CRACR2A: variants seen among roughly 807,000 people sequenced by gnomAD.
CRACR2A encodes EF-hand calcium-binding domain-containing protein 4B.
Under a neutral mutation model 90.5 loss-of-function variants are expected in CRACR2A, and 79 were observed. The ratio of observed to expected loss-of-function variants is 0.87; its 90% CI spans 0.73 to 1.05. The LOEUF is 1.05. CRACR2A is among the 50% of genes least tolerant of loss of function. The pLI is 0.00. For missense variants in CRACR2A, 823 were observed against 897.2 expected, an observed-to-expected ratio of 0.92 and a Z score of 1.06; for synonymous variants, 338 against 356.7, an observed-to-expected ratio of 0.95 and a Z score of 0.59.
At chr12:3,734,014 AG>A (rs1946404432) in intron 1 of CRACR2A, among the ~76,000 whole-genome samples, 1 of 128,368 alleles carries the variant, frequency 7.8e-6, no homozygotes, top group Non-Finnish European at 1.6e-5. Flanking sequence ...TCTGTCGCCC[AG>A]GCTGGAGTGC....
chr12:3,622,631 T>C (rs1944169200), intron 17 of CRACR2A, among the ~76,000 whole-genome samples: 1 of 128,420 alleles, frequency 7.8e-6, no homozygotes, highest in Non-Finnish European at 1.8e-5. Context: ...CCTATGTGCA[T>C]GTGTGTGTGT....
chr12:3,620,980 C>T (rs1386206144), intron 17 of CRACR2A, among the ~76,000 whole-genome samples: 1 of 152,228 alleles, frequency 6.6e-6, no homozygotes, highest in African/African-American at 2.4e-5. Context: ...ACACCCCCTC[C>T]TCTGACCGTG....
Position 3,751,755 on chromosome 12 carries a change from C to T in CRACR2A, c.-387+1260G>A, listed in dbSNP as rs1006164243. On this transcript the variant is annotated intron_variant, in intron 1 of 19. Transcript: ENST00000440314. The stretch of plus-strand genomic sequence containing the variant: ...CTCTACACACTTTATAGTATAGAAC[C>T]GAGAGGTGACAGGACCTCGGAAGCC... Among the ~76,000 whole-genome samples the T allele has an allele frequency of 5.6e-5, 6 of 106,692 alleles. No individual in the cohort carries two copies. In the East Asian group the frequency reaches 8.0e-4, roughly 14 times the overall value. 70.0% of individuals were successfully genotyped at this position (106,692 alleles called of 152,430 possible).
chr12:3,632,693 A>C (rs752047613), intron 15 of CRACR2A, among the ~76,000 whole-genome samples: 2 of 152,228 alleles, frequency 1.3e-5, no homozygotes, highest in African/African-American at 4.8e-5. Context: ...TCTGGACCTC[A>C]GTTTCCTGAT....
intron 13 of CRACR2A, among the ~76,000 whole-genome samples, chr12:3,641,519 G>A (rs931242879): frequency 6.6e-6 from 1 of 152,166 alleles, no homozygotes; most frequent in Non-Finnish European, 1.5e-5. Context: ...AGAAGACAAT[G>A]GTCTGTCCTG....
intron 1 of CRACR2A, 79 bp from the exon 2 acceptor site, chr12:3,733,289 T>G (rs986430684): frequency 3.3e-5 from 5 of 152,412 alleles, no homozygotes; most frequent in Non-Finnish European, 7.3e-5. Flanking sequence ...GGGTTGGGCT[T>G]TGAGGCAGAC....
intron 15 of CRACR2A, among the ~76,000 whole-genome samples, chr12:3,631,710 C>G (rs1944378432): frequency 1.3e-5 from 2 of 152,118 alleles, no homozygotes; most frequent in South Asian, 4.1e-4. Flanking sequence ...GAAGATATTC[C>G]AGGTGTGATA....
chr12:3,682,690 CT>C (rs1424384596), intron 4 of CRACR2A, among the ~76,000 whole-genome samples: 1 of 152,146 alleles, frequency 6.6e-6, no homozygotes, highest in East Asian at 1.9e-4. Context: ...ATAATTATCT[CT>C]TATTTATCGC....
rs905802054 is a variant in CRACR2A at position 3,711,861 on chromosome 12, C to T, written c.-37+1376G>A. Among the ~76,000 whole-genome samples the T allele has an allele frequency of 6.6e-5, 10 of 152,098 alleles. No homozygotes were observed. The highest frequency in any genetic ancestry group is 2.4e-4 in the African/African-American group (10 of 41,410). ...GCTATACTGAGGTGGAATAAAAGGC[C>T]ATCCAAAGGGCTAAATTTTGACATT... On this transcript the variant is annotated intron_variant, in intron 3 of 19. Transcript: ENST00000440314. This position sits in a 1 kb window ranked among gnomAD's most constrained non-coding sequence, Gnocchi z 4.3.
At chr12:3,650,632 C>G (rs964263808) in intron 10 of CRACR2A, among the ~76,000 whole-genome samples, 2 of 152,152 alleles carry the variant, frequency 1.3e-5, no homozygotes, top group African/African-American at 2.4e-5. Flanking sequence ...TTTAGGGTCC[C>G]CCCACCCCAC....
chr12:3,658,378 G>A (rs1047760643), intron 8 of CRACR2A, among the ~76,000 whole-genome samples: 5 of 152,082 alleles, frequency 3.3e-5, no homozygotes, highest in South Asian at 2.1e-4. Context: ...GTGGCTGTCC[G>A]ATGGCGGGGA....
intron 1 of CRACR2A, among the ~76,000 whole-genome samples, chr12:3,736,253 A>G (rs1174387848): frequency 1.3e-5 from 2 of 151,694 alleles, no homozygotes; most frequent in South Asian, 4.2e-4. Context: ...AGGGATAGGG[A>G]CAGATTCAAG....
Position 3,746,297 on chromosome 12 carries a change from T to C in CRACR2A, c.-387+6718A>G, listed in dbSNP as rs71458075. 2.8e-3 allele frequency among the ~76,000 whole-genome samples: 431 copies of C among 152,074 alleles called. 7 individuals carry two copies. Among genetic ancestry groups the C allele is most frequent in the South Asian group, 5.2e-3 (25 of 4,818 alleles). On this transcript the variant is annotated intron_variant, in intron 1 of 19. Transcript: ENST00000440314. This position sits in a 1 kb window ranked among gnomAD's most constrained non-coding sequence, Gnocchi z 4.4. ...AGGTGATTAGGTTTAGATGAGGTCATGAGGGTGGGGCCCTCATGATGGGAT... is the reference window on the plus strand; with the variant it reads ...AGGTGATTAGGTTTAGATGAGGTCACGAGGGTGGGGCCCTCATGATGGGAT...
At chr12:3,681,260 G>A (rs1945445678) in intron 4 of CRACR2A, among the ~76,000 whole-genome samples, 1 of 152,228 alleles carries the variant, frequency 6.6e-6, no homozygotes, top group Non-Finnish European at 1.5e-5. Flanking sequence ...TGACTGGTAA[G>A]GAATTCCTAA....
intron 13 of CRACR2A, among the ~76,000 whole-genome samples, chr12:3,639,821 A>G (rs536388374): frequency 2.0e-4 from 31 of 151,800 alleles, no homozygotes; most frequent in Non-Finnish European, 3.5e-4. Context: ...CCTTTGACTT[A>G]TAAAAACAGT....
chr12:3,649,098 G>T (rs1022805264), intron 10 of CRACR2A, among the ~76,000 whole-genome samples: 1 of 152,078 alleles, frequency 6.6e-6, no homozygotes, highest in South Asian at 2.1e-4. Flanking sequence ...GGGAAGGGGG[G>T]AGGGATAGCA....
chr12:3,725,249 A>G (rs1342146430), intron 2 of CRACR2A, among the ~76,000 whole-genome samples: 1 of 152,110 alleles, frequency 6.6e-6, no homozygotes, highest in African/African-American at 2.4e-5. Context: ...TCTTAAAACA[A>G]CAGATTTCTT....
chr12:3,680,568 A>G (rs915253625), intron 4 of CRACR2A, among the ~76,000 whole-genome samples: 1 of 152,234 alleles, frequency 6.6e-6, no homozygotes, highest in Admixed American at 6.5e-5. Context: ...GTACTAGGCC[A>G]TTTGCTAGGT....
At chr12:3,724,847 G>C (rs1453625528) in intron 2 of CRACR2A, among the ~76,000 whole-genome samples, 2 of 152,124 alleles carry the variant, frequency 1.3e-5, no homozygotes, top group African/African-American at 4.8e-5. Flanking sequence ...ACCCTTCACT[G>C]GTTCCCACTG....
Sources: gnomAD v4.1 joint callset for allele counts (sites outside exome capture counted in the v4.1 genomes callset) on GRCh38, gnomAD v4.1.1 for gene constraint, Gnocchi (gnomAD v3.1) non-coding constraint, MANE v1.5 for transcripts, NCBI Gene and HGNC (gene_info 2026-07-23, HGNC 2026-07-21) for gene names.